Variants in TMEM50B observed in about 807,000 individuals in gnomAD.
TMEM50B encodes the protein transmembrane protein 50B, also known as HCV p7-trans-regulated protein 3.
A neutral mutation model predicts 23.4 loss-of-function variants in TMEM50B; 14 were observed. The ratio of observed to expected loss-of-function variants is 0.60; its 90% CI spans 0.39 to 0.93. The LOEUF is 0.93. Among genes scored for constraint, TMEM50B ranks in the 40% least tolerant of loss-of-function variants. The probability of loss-of-function intolerance (pLI) is 0.00; values close to 1 mark genes in which losing one functional copy is unlikely to be tolerated. For synonymous variants in TMEM50B, 64 were observed against 62.3 expected (o/e 1.03, Z -0.13); for missense variants, 159 against 193.0 (o/e 0.82, Z 1.04).
chr21:33,467,483 G>A (rs959894477), intron 2 of TMEM50B, among the ~76,000 whole-genome samples: 4 of 152,222 alleles, frequency 2.6e-5, no homozygotes, highest in Admixed American at 2.0e-4. Flanking sequence ...AATTAGCTGG[G>A]CATGGTGGCA....
downstream of TMEM50B, among the ~76,000 whole-genome samples, chr21:33,446,385 T>C (rs9976619): frequency 0.58 from 88,012 of 150,502 alleles, 27,765 homozygotes; most frequent in East Asian, 0.82. Flanking sequence ...TACAGGCATG[T>C]ACCACCATAC....
At chr21:33,463,314 A>G (rs28384326) in intron 4 of TMEM50B, among the ~76,000 whole-genome samples, 24 of 152,326 alleles carry the variant, frequency 1.6e-4, no homozygotes, top group African/African-American at 5.5e-4. Flanking sequence ...TACAAAATTT[A>G]AAAAATAAAA....
intron 6 of TMEM50B, among the ~76,000 whole-genome samples, chr21:33,451,512 G>A (rs1021945609): frequency 6.6e-6 from 1 of 152,148 alleles, no homozygotes; most frequent in Non-Finnish European, 1.5e-5. Context: ...TAGTTAGAGA[G>A]GTCAGGAAAG....
chr21:33,475,122 TC>T (rs1358218316), intron 1 of TMEM50B, among the ~76,000 whole-genome samples: 2 of 151,918 alleles, frequency 1.3e-5, no homozygotes, highest in Non-Finnish European at 2.9e-5. Context: ...AGACAGGGTT[TC>T]ACATGTTGGC....
At chr21:33,470,679 G>C (rs1601132562) in intron 1 of TMEM50B, among the ~76,000 whole-genome samples, 1 of 152,076 alleles carries the variant, frequency 6.6e-6, no homozygotes, top group Non-Finnish European at 1.5e-5. Flanking sequence ...GGGGCTTGCA[G>C]TGAGCCACTG....
At chr21:33,447,995 TTTA>T (rs1193748632), downstream of TMEM50B, among the ~76,000 whole-genome samples, 1 of 151,966 alleles carries the variant, frequency 6.6e-6, no homozygotes, top group Non-Finnish European at 1.5e-5. Flanking sequence ...TATGTTTTTA[TTTA>T]TTTTTTATTT....
At chr21:33,477,858 G>A (rs1381022540) in intron 1 of TMEM50B, among the ~76,000 whole-genome samples, 2 of 147,224 alleles carry the variant, frequency 1.4e-5, no homozygotes, top group Non-Finnish European at 1.5e-5. Context: ...ACTTTAGGCC[G>A]GGCACAGTGG....
exon 9 of TMEM50B, chr21:33,432,524 CTT>C (rs2083898949): frequency 7.1e-6 from 6 of 843,140 alleles, no homozygotes; most frequent in Middle Eastern, 6.1e-4. Flanking sequence ...ACAGCTACCA[CTT>C]GCTTTATTTC....
At chr21:33,446,919 G>C (rs1481462615), downstream of TMEM50B, 1 of 152,088 alleles carries the variant, frequency 6.6e-6, no homozygotes, top group Non-Finnish European at 1.5e-5. Flanking sequence ...GAGGCGGGTG[G>C]ATCACCTGGG....
At chr21:33,474,541 T>C (rs1223464864) in intron 1 of TMEM50B, among the ~76,000 whole-genome samples, 1 of 150,910 alleles carries the variant, frequency 6.6e-6, no homozygotes, top group East Asian at 2.0e-4. Flanking sequence ...CCCAGCACTT[T>C]GGGAGGCCAA....
At position 33,460,500 on chromosome 21, in the gene TMEM50B, G is replaced by C. The variant is rs2084207887; in HGVS notation, c.286C>G (p.Arg96Gly). 1 of 1,606,530 alleles carries C rather than the reference G, an allele frequency of 6.2e-7. No homozygotes were observed. The highest frequency in any genetic ancestry group is 8.5e-7 in the Non-Finnish European group (1 of 1,175,814). Residue 96 changes from arginine to glycine, a missense_variant, in exon 5 of 7, where the codon CGA becomes GGA. Transcript: ENST00000542230. Reference sequence around the variant, plus strand: ...ATGAAACCAATGAAAAGCCAAACTCGAGCACCTGTGTAGAGAAGAGGCTTT... The same window carrying C: ...ATGAAACCAATGAAAAGCCAAACTCCAGCACCTGTGTAGAGAAGAGGCTTT... The part of the protein sequence containing the change: ...ESGCLGRTGA[R>G]VWLFIGFMLM...
intron 1 of TMEM50B, among the ~76,000 whole-genome samples, chr21:33,475,113 G>C (rs538832750): frequency 1.3e-5 from 2 of 151,838 alleles, no homozygotes; most frequent in Non-Finnish European, 2.9e-5. Context: ...TTTTGGTAGA[G>C]ACAGGGTTTC....
At chr21:33,470,804 C>A (rs1383475942) in intron 1 of TMEM50B, among the ~76,000 whole-genome samples, 2 of 151,872 alleles carry the variant, frequency 1.3e-5, no homozygotes, top group Non-Finnish European at 2.9e-5. Flanking sequence ...ATAGGAGAAT[C>A]ATTTGATCCC....
intron 3 of TMEM50B, among the ~76,000 whole-genome samples, 178 bp from the exon 4 acceptor site, chr21:33,465,587 A>G (rs2084258361): frequency 6.6e-6 from 1 of 152,208 alleles, no homozygotes; most frequent in Non-Finnish European, 1.5e-5. Flanking sequence ...CATTAGTCTT[A>G]TTTTCATAAA....
chr21:33,460,598 A>G (rs1243488989), intron 4 of TMEM50B, 93 bp from the exon 5 acceptor site: 6 of 640,416 alleles, frequency 9.4e-6, no homozygotes, highest in Non-Finnish European at 1.6e-5. Flanking sequence ...TTAGCCTAGT[A>G]TATATTATGC....
exon 9 of TMEM50B, chr21:33,432,584 TG>T (rs1345049815): frequency 3.9e-6 from 4 of 1,022,828 alleles, no homozygotes; most frequent in African/African-American, 1.6e-5. Flanking sequence ...CAGGTGAGGG[TG>T]GGGGGTAGAG....
At chr21:33,436,727 A>T in intron 8 of TMEM50B, 1 of 978,650 alleles carries the variant, frequency 1.0e-6, no homozygotes, top group African/African-American at 1.8e-5. Context: ...CTCAAAAAAA[A>T]AATAAAAATA....
At chr21:33,469,708 T>C (rs1331060143) in intron 1 of TMEM50B, 1 of 152,182 alleles carries the variant, frequency 6.6e-6, no homozygotes, top group Non-Finnish European at 1.5e-5. Context: ...TTTATAGGTG[T>C]TCTGACCCAC....
chr21:33,471,149 A>G (rs1159647452), intron 1 of TMEM50B, among the ~76,000 whole-genome samples: 1 of 152,192 alleles, frequency 6.6e-6, no homozygotes, highest in Non-Finnish European at 1.5e-5. Context: ...TAAGGGAGAC[A>G]TTTTGGAATT....
Sources: allele counts gnomAD v4.1 joint callset (sites outside exome capture counted in the v4.1 genomes callset), GRCh38; gene constraint gnomAD v4.1.1; transcripts MANE v1.5; gene names NCBI Gene and HGNC (gene_info 2026-07-23, HGNC 2026-07-21).